The following CLOCK variants were observed in gnomAD, a reference collection of about 807,000 sequenced individuals.
CLOCK encodes the protein circadian locomoter output cycles protein kaput.
Under a neutral mutation model 118.4 loss-of-function variants are expected in CLOCK, and 43 were observed. The observed-to-expected ratio is 0.36, with a 90% CI of 0.28 to 0.47. CLOCK has a LOEUF of 0.47. CLOCK is among the 20% of genes least tolerant of loss of function. The pLI, the probability that CLOCK is intolerant of heterozygous loss-of-function variation, is 1.00. For missense variants in CLOCK, 846 were observed against 999.9 expected, an observed-to-expected ratio of 0.85 and a Z score of 2.08; for synonymous variants, 326 against 339.2, an observed-to-expected ratio of 0.96 and a Z score of 0.43.
At chr4:55,516,472 C>T (rs1560471602) in intron 1 of CLOCK, among the ~76,000 whole-genome samples, 1 of 152,192 alleles carries the variant, frequency 6.6e-6, no homozygotes, top group South Asian at 2.1e-4. Flanking sequence ...TTCCGGATAA[C>T]TTCCTTGCTC....
intron 1 of CLOCK, among the ~76,000 whole-genome samples, chr4:55,535,545 A>G (rs1560484934): frequency 6.6e-6 from 1 of 152,172 alleles, no homozygotes; most frequent in Admixed American, 6.5e-5. Flanking sequence ...TATCTCTGCA[A>G]AAATAAATGA....
chr4:55,447,785 T>C (rs1723993762), intron 18 of CLOCK, among the ~76,000 whole-genome samples: 1 of 152,208 alleles, frequency 6.6e-6, no homozygotes, highest in South Asian at 2.1e-4. Context: ...AAAAATATTG[T>C]TTTCACCTAT....
At chr4:55,465,014 G>A (rs538843194) in intron 8 of CLOCK, among the ~76,000 whole-genome samples, 1 of 152,128 alleles carries the variant, frequency 6.6e-6, no homozygotes, top group African/African-American at 2.4e-5. Flanking sequence ...TTTCAAGAAA[G>A]CATTCCCTTA....
intron 3 of CLOCK, among the ~76,000 whole-genome samples, chr4:55,484,425 C>A (rs887586686): frequency 2.0e-5 from 3 of 152,004 alleles, no homozygotes; most frequent in African/African-American, 7.2e-5. Flanking sequence ...AGGACTAACA[C>A]CAGGATGAAA....
In CLOCK at chr4:55,442,643, A is replaced by T. The variant is rs867303496; in HGVS notation, c.1903-9T>A. 7.5e-6 allele frequency: 12 copies of T among 1,608,870 alleles called. No individual in the cohort carries two copies. The Middle Eastern group carries it at 1.8e-3, about 244-fold the overall frequency. ...AGTACATTTTGTTGACTCTGTTAAA[A>T]ATAAAGAGATTTTATAGACAGATTA... On this transcript the variant is annotated splice_polypyrimidine_tract_variant and intron_variant, in intron 20 of 22. Transcript: ENST00000513440.
chr4:55,500,399 A>G (rs1292775765), intron 2 of CLOCK, among the ~76,000 whole-genome samples: 2 of 152,178 alleles, frequency 1.3e-5, no homozygotes, highest in African/African-American at 4.8e-5. Context: ...GCTGCAGTGC[A>G]GTGGTGTGAA....
chr4:55,499,078 A>G (rs1728267956), intron 2 of CLOCK, among the ~76,000 whole-genome samples: 1 of 151,954 alleles, frequency 6.6e-6, no homozygotes, highest in Non-Finnish European at 1.5e-5. Context: ...CTATTTTTAC[A>G]CTCCTTTCAG....
intron 2 of CLOCK, among the ~76,000 whole-genome samples, 182 bp from the exon 3 acceptor site, chr4:55,489,647 AAAAC>A (rs1381047267): frequency 4.6e-5 from 7 of 152,196 alleles, no homozygotes; most frequent in Non-Finnish European, 8.8e-5. Context: ...TGAATAAACT[AAAAC>A]AATCACTTAA....
intron 15 of CLOCK, among the ~76,000 whole-genome samples, chr4:55,452,064 T>C (rs1350951168): frequency 6.6e-6 from 1 of 152,042 alleles, no homozygotes; most frequent in East Asian, 1.9e-4. Context: ...TGGTAGGCAA[T>C]TTCTGACATG....
At chr4:55,539,206 G>A (rs1731093088) in intron 1 of CLOCK, among the ~76,000 whole-genome samples, 1 of 151,506 alleles carries the variant, frequency 6.6e-6, no homozygotes, top group Non-Finnish European at 1.5e-5. Flanking sequence ...CTGCACTCCA[G>A]CCTAAGCAAC....
chr4:55,501,485 A>ACAGCT (rs1364814506), intron 2 of CLOCK: 2 of 142,274 alleles, frequency 1.4e-5, no homozygotes, highest in Non-Finnish European at 3.3e-5. Context: ...TGGCCTAATC[A>ACAGCT]CAGCTCACTG....
chr4:55,478,170 C>T (rs770477503), intron 6 of CLOCK, among the ~76,000 whole-genome samples: 3 of 151,784 alleles, frequency 2.0e-5, no homozygotes, highest in Non-Finnish European at 4.4e-5. Flanking sequence ...TATCTGTTAC[C>T]AAAATACTTA....
chr4:55,515,380 TTTTG>T (rs1331815354), intron 1 of CLOCK, among the ~76,000 whole-genome samples: 8 of 152,140 alleles, frequency 5.3e-5, no homozygotes, highest in African/African-American at 1.4e-4. Context: ...TCACTGGCTG[TTTTG>T]TTTGTTTTGA....
At chr4:55,475,354 A>C (rs991919080) in intron 7 of CLOCK, among the ~76,000 whole-genome samples, 1 of 152,200 alleles carries the variant, frequency 6.6e-6, no homozygotes, top group African/African-American at 2.4e-5. Flanking sequence ...TGATTTCTTG[A>C]GATCGACTCT....
chr4:55,456,759 G>A (rs1200087927), intron 11 of CLOCK, among the ~76,000 whole-genome samples: 1 of 152,096 alleles, frequency 6.6e-6, no homozygotes, highest in African/African-American at 2.4e-5. Context: ...GTTCACTGCA[G>A]CCTCAACATC....
At chr4:55,546,275 C>G (rs1731617489) in intron 1 of CLOCK, among the ~76,000 whole-genome samples, 1 of 152,164 alleles carries the variant, frequency 6.6e-6, no homozygotes, top group East Asian at 1.9e-4. Flanking sequence ...GCCGTGCACC[C>G]CACTCCCGCC....
chr4:55,545,646 G>A (rs1056451618), intron 1 of CLOCK: 1 of 152,206 alleles, frequency 6.6e-6, no homozygotes, highest in African/African-American at 2.4e-5. Flanking sequence ...TCAGAGACTA[G>A]GCTTTTATCT....
Position 55,515,128 on chromosome 4 carries a change from G to C in CLOCK, c.-289-5063C>G, listed in dbSNP as rs1348327126. On this transcript the variant is annotated intron_variant, in intron 1 of 22. Coordinates refer to ENST00000513440, the MANE Select transcript of CLOCK (RefSeq NM_004898.4). ...CTTTTGGCAGATTGCGTCCTTCAAG[G>C]AATTGGTCCATTTCATCTAGGTTAT... Among the ~76,000 whole-genome samples, 5 of 152,264 alleles carry C rather than the reference G, an allele frequency of 3.3e-5. No homozygotes were observed. The East Asian group carries it at 7.7e-4, about 24-fold the overall frequency.
In CLOCK at chr4:55,453,091, C is replaced by T. The variant is rs756037156; in HGVS notation, c.1169G>A (p.Gly390Asp). 1.2e-5 allele frequency: 20 copies of T among 1,612,584 alleles called. No homozygotes were observed. The East Asian group carries it at 3.8e-4, about 31-fold the overall frequency. Residue 390 changes from glycine to aspartate, a missense_variant, in exon 15 of 23, where the codon GGC (glycine) becomes GAC (aspartate). Coordinates refer to ENST00000513440, the MANE Select transcript of CLOCK (RefSeq NM_004898.4). ...EVRAERRREL[G>D]IEESLPETAA... ...TGTCTCAGGAAGAGACTCTTCAATGCCAAGTTCTCGTCGTCTTTCAGCCCT... is the reference window on the plus strand; with the variant it reads ...TGTCTCAGGAAGAGACTCTTCAATGTCAAGTTCTCGTCGTCTTTCAGCCCT...
Sources: allele counts gnomAD v4.1 joint callset (sites outside exome capture counted in the v4.1 genomes callset), GRCh38; gene constraint gnomAD v4.1.1; transcripts MANE v1.5; gene names NCBI Gene and HGNC (gene_info 2026-07-23, HGNC 2026-07-21).